NOC3L: variants seen among roughly 807,000 people sequenced by gnomAD.
NOC3L encodes the protein nucleolar complex protein 3 homolog.
A neutral mutation model predicts 102.5 loss-of-function variants in NOC3L; 85 were observed. The observed-to-expected ratio is 0.83, with a 90% CI of 0.70 to 0.99. The LOEUF (loss-of-function observed/expected upper bound fraction) is 0.99, where lower values mean the gene tolerates loss of function less well. Ranked by LOEUF, NOC3L falls within the 50% of genes least tolerant of loss-of-function variation. The pLI, the probability that NOC3L is intolerant of heterozygous loss-of-function variation, is 0.00. For synonymous variants in NOC3L, 303 were observed against 309.4 expected (o/e 0.98, Z 0.22); for missense variants, 878 against 914.9 (o/e 0.96, Z 0.52).
chr10:94,341,431 TAAA>T (rs1285347169), intron 14 of NOC3L, among the ~76,000 whole-genome samples: 22 of 139,858 alleles, frequency 1.6e-4, no homozygotes, highest in African/African-American at 5.2e-4. Flanking sequence ...TGCATCAATT[TAAA>T]AAAAAAAAAA....
At position 94,338,663 on chromosome 10, in the gene NOC3L, T is replaced by A; in HGVS notation, c.2036A>T (p.Glu679Val). The A allele has an allele frequency of 6.2e-7, 1 of 1,613,398 alleles. No individual in the cohort carries two copies. The highest frequency in any genetic ancestry group is 8.5e-7 in the Non-Finnish European group (1 of 1,179,510). Residue 679 changes from glutamate (E) to valine (V), a missense_variant, in exon 18 of 21, where the codon GAG (glutamate) becomes GTG (valine). Physicochemically the swap from Glu to Val is moderately radical, Grantham distance 121. Coordinates refer to ENST00000371361, the MANE Select transcript of NOC3L (RefSeq NM_022451.11). Reference sequence around the variant, plus strand: ...GTTCTGAGCATTGCAGTACTCAGGCTCATCCAGTTCAGGAAGGAAAACTCC... The same window carrying A: ...GTTCTGAGCATTGCAGTACTCAGGCACATCCAGTTCAGGAAGGAAAACTCC... ...GSGVFLPELDEPEYCNAQNTA... is the reference protein window; with the variant it reads ...GSGVFLPELDVPEYCNAQNTA...
At chr10:94,329,106 T>A (rs2054127219), downstream of NOC3L, 1 of 152,202 alleles carries the variant, frequency 6.6e-6, no homozygotes, top group African/African-American at 2.4e-5. Context: ...AGAAAATATA[T>A]GCTCTGAACA....
intron 10 of NOC3L, among the ~76,000 whole-genome samples, chr10:94,347,261 T>C (rs535261613): frequency 1.4e-4 from 22 of 152,174 alleles, no homozygotes; most frequent in Non-Finnish European, 3.1e-4. Flanking sequence ...GCTGAGTATT[T>C]GGGATTACAC....
At chr10:94,340,792 T>C (rs1266579671) in intron 14 of NOC3L, among the ~76,000 whole-genome samples, 1 of 151,736 alleles carries the variant, frequency 6.6e-6, no homozygotes, top group Non-Finnish European at 1.5e-5. Context: ...CCATCCTGGC[T>C]AACACGGTGA....
At chr10:94,342,403 T>C (rs2054295999) in intron 13 of NOC3L, among the ~76,000 whole-genome samples, 1 of 152,204 alleles carries the variant, frequency 6.6e-6, no homozygotes, top group Non-Finnish European at 1.5e-5. Flanking sequence ...TTGATCTATG[T>C]AAATCTTAGA....
chr10:94,319,004 C>T, the NOC3L span, among the ~76,000 whole-genome samples: 6 of 152,148 alleles, frequency 3.9e-5, no homozygotes, highest in Non-Finnish European at 8.8e-5. Flanking sequence ...GCCAAGATTA[C>T]ACCACTGTGT....
chr10:94,326,889 A>G, the NOC3L span, among the ~76,000 whole-genome samples: 1 of 152,206 alleles, frequency 6.6e-6, no homozygotes, highest in Non-Finnish European at 1.5e-5. Flanking sequence ...GGCCAGGCAC[A>G]GTGGCTCACG....
chr10:94,338,968 GA>G (rs1255456322), intron 17 of NOC3L, among the ~76,000 whole-genome samples: 2 of 152,054 alleles, frequency 1.3e-5, no homozygotes, highest in South Asian at 2.1e-4. Context: ...TCTTGCAAAA[GA>G]AAAAAATATG....
intron 10 of NOC3L, 44 bp downstream of exon 10, chr10:94,349,206 T>G: frequency 1.3e-6 from 2 of 1,558,346 alleles, no homozygotes; most frequent in Non-Finnish European, 1.7e-6. Flanking sequence ...AAATCAACTT[T>G]GTAATTTAAA....
intron 11 of NOC3L, among the ~76,000 whole-genome samples, chr10:94,346,213 T>C (rs1466593618): frequency 6.6e-6 from 1 of 152,196 alleles, no homozygotes; most frequent in Non-Finnish European, 1.5e-5. Flanking sequence ...TATCTTTTCA[T>C]CTATTGCTCT....
chr10:94,325,676 A>G, the NOC3L span: 1 of 152,140 alleles, frequency 6.6e-6, no homozygotes, highest in Admixed American at 6.5e-5. Flanking sequence ...TATTTTGTAG[A>G]TAAATAAGCA....
At chr10:94,327,756 T>G in the NOC3L span, among the ~76,000 whole-genome samples, 1 of 152,202 alleles carries the variant, frequency 6.6e-6, no homozygotes, top group Admixed American at 6.5e-5. Context: ...TTCTAAAGAA[T>G]GTGAAATATT....
At chr10:94,324,387 C>A in the NOC3L span, 8 of 1,614,152 alleles carry the variant, frequency 5.0e-6, no homozygotes, top group Admixed American at 1.7e-5. Context: ...GCATCCTGAG[C>A]AACCCCAATC....
chr10:94,360,861 C>T (rs937417914), intron 2 of NOC3L, among the ~76,000 whole-genome samples: 2 of 150,454 alleles, frequency 1.3e-5, no homozygotes, highest in African/African-American at 4.9e-5. Flanking sequence ...AAAAAAAAAA[C>T]TTTAGCTGGG....
chr10:94,315,155 C>T, the NOC3L span: 4 of 298,760 alleles, frequency 1.3e-5, no homozygotes, highest in South Asian at 1.3e-4. Context: ...TGCCTTGGCC[C>T]CCTTTTGAGT....
In NOC3L at chr10:94,339,933, A is replaced by G; in HGVS notation, c.1781-13T>C. 1.2e-6 allele frequency: 2 copies of G among 1,608,230 alleles called. No homozygotes were observed. Among genetic ancestry groups the G allele is most frequent in the Non-Finnish European group, 1.7e-6 (2 of 1,176,068 alleles). ...TCATTGGTAGCACCTAAAACAGCAG[A>G]CATATTCTTCAGAGCTGTTCTCATT... On this transcript the variant is annotated splice_polypyrimidine_tract_variant and intron_variant, in intron 16 of 20. Coordinates refer to ENST00000371361, the MANE Select transcript of NOC3L (RefSeq NM_022451.11).
intron 17 of NOC3L, 78 bp downstream of exon 17, chr10:94,339,661 G>C: frequency 1.8e-6 from 2 of 1,092,214 alleles, no homozygotes; most frequent in Non-Finnish European, 1.3e-6. Context: ...ATATAAAAGG[G>C]GGGAAAAGAC....
intron 2 of NOC3L, 192 bp downstream of exon 2, chr10:94,361,473 T>G (rs1193498988): frequency 1.7e-6 from 1 of 578,948 alleles, no homozygotes; most frequent in African/African-American, 1.9e-5. Flanking sequence ...AATACTGTAT[T>G]GAAATGTTTT....
Position 94,352,335 on chromosome 10 carries a change from C to A in NOC3L, c.927G>T (p.Leu309Phe), listed in dbSNP as rs1163250164. 1.2e-6 allele frequency: 2 copies of A among 1,612,414 alleles called. No homozygotes were observed. The highest frequency in any genetic ancestry group is 8.5e-7 in the Non-Finnish European group (1 of 1,178,738). Residue 309 changes from leucine (L) to phenylalanine (F), a missense_variant, in exon 8 of 21, where the codon TTG (leucine) becomes TTT (phenylalanine). Coordinates refer to ENST00000371361, the MANE Select transcript of NOC3L (RefSeq NM_022451.11). ...CTTTAACCATTTGTTCCAGATTTTC[C>A]AAATAAAACTTGTATTGGCTAACCA... ...EGLVSQYKFY[L>F]ENLEQMVKDW... is the part of the protein sequence containing the mutation.
Sources: gnomAD v4.1 joint callset for allele counts (sites outside exome capture counted in the v4.1 genomes callset) on GRCh38, gnomAD v4.1.1 for gene constraint, MANE v1.5 for transcripts, NCBI Gene and HGNC (gene_info 2026-07-23, HGNC 2026-07-21) for gene names.